Variants in LRRC9 observed in about 807,000 individuals in gnomAD.
LRRC9 encodes the protein leucine rich repeat containing 9.
A neutral mutation model predicts 63.2 loss-of-function variants in LRRC9; 122 were observed. The observed-to-expected ratio is 1.93, with a 90% CI of 1.67 to 2.24. The LOEUF (loss-of-function observed/expected upper bound fraction) is 2.24. Among genes scored for constraint, LRRC9 ranks in the 30% most tolerant of loss-of-function variants. The pLI, the probability that LRRC9 is intolerant of heterozygous loss-of-function variation, is 0.00. For missense variants in LRRC9, 1,071 were observed against 627.7 expected, an observed-to-expected ratio of 1.71 and a Z score of -7.55; for synonymous variants, 366 against 213.1, an observed-to-expected ratio of 1.72 and a Z score of -6.25.
chr14:60,007,046 G>A (rs1889866769), intron 22 of LRRC9, among the ~76,000 whole-genome samples: 1 of 152,142 alleles, frequency 6.6e-6, no homozygotes, highest in Admixed American at 6.5e-5. Flanking sequence ...ACAAAACAGA[G>A]GGTTTCTATA....
chr14:59,972,456 C>T (rs545448659), intron 12 of LRRC9, among the ~76,000 whole-genome samples: 1 of 152,086 alleles, frequency 6.6e-6, no homozygotes, highest in South Asian at 2.1e-4. Flanking sequence ...TTGTATCAGC[C>T]GTAACCATGT....
At chr14:59,960,770 G>A in intron 9 of LRRC9, 144 bp from the exon 10 acceptor site, 1 of 452,142 alleles carries the variant, frequency 2.2e-6, no homozygotes, top group Non-Finnish European at 3.9e-6. Context: ...TCTTTGACAT[G>A]GTTTAACTGT....
Position 59,962,272 on chromosome 14 carries a change from G to T in LRRC9, c.1211+1227G>T, listed in dbSNP as rs749392027. On this transcript the variant is annotated intron_variant, in intron 10 of 31. Coordinates refer to ENST00000445360, the Ensembl canonical transcript of LRRC9. The surrounding 1 kb of genome is among the most constrained non-coding windows in gnomAD (Gnocchi z 5.1). ...TACTGTTTGCTTAACCACATTTTTTGATTTTTATATACAAAGATATAAAAG... is the reference window on the plus strand; with the variant it reads ...TACTGTTTGCTTAACCACATTTTTTTATTTTTATATACAAAGATATAAAAG... Among the ~76,000 whole-genome samples the T allele has an allele frequency of 1.3e-5, 2 of 152,044 alleles. No homozygotes were observed. Among genetic ancestry groups the T allele is most frequent in the South Asian group, 2.1e-4 (1 of 4,820 alleles).
intron 27 of LRRC9, among the ~76,000 whole-genome samples, chr14:60,024,510 T>C (rs959626083): frequency 1.3e-5 from 2 of 152,010 alleles, no homozygotes; most frequent in African/African-American, 4.8e-5. Context: ...TGGGGAGACA[T>C]CGAGGTAGTT....
At chr14:60,048,483 A>T (rs1365113548) in intron 29 of LRRC9, among the ~76,000 whole-genome samples, 1 of 152,190 alleles carries the variant, frequency 6.6e-6, no homozygotes, top group East Asian at 1.9e-4. Context: ...ACAAAAATAC[A>T]AACAACCATC....
At chr14:60,019,798 C>T (rs1004073613) in intron 26 of LRRC9, among the ~76,000 whole-genome samples, 7 of 151,372 alleles carry the variant, frequency 4.6e-5, no homozygotes, top group Admixed American at 2.6e-4. Context: ...CAAAAAATGA[C>T]AACAAACCTT....
In LRRC9 at chr14:60,004,477, C is replaced by A. The variant is rs141390586; in HGVS notation, c.2842+679C>A. 6.6e-6 allele frequency among the ~76,000 whole-genome samples: 1 copy of A among 151,874 alleles called. No individual in the cohort carries two copies. The highest frequency in any genetic ancestry group is 1.5e-5 in the Non-Finnish European group (1 of 67,898). The stretch of plus-strand genomic sequence containing the variant: ...TAGTAATATCTTAATAATAATGATA[C>A]CAATATAATATATTTTATTTGACTG... On this transcript the variant is annotated intron_variant, in intron 21 of 31. Transcript: ENST00000445360. The surrounding 1 kb of genome is among the most constrained non-coding windows in gnomAD (Gnocchi z 4.8).
In LRRC9 at chr14:59,923,818, A is replaced by C. The variant is rs867844038; in HGVS notation, c.-34+3935A>C. On this transcript the variant is annotated intron_variant, in intron 1 of 31. Transcript: ENST00000445360. The surrounding 1 kb of genome is among the most constrained non-coding windows in gnomAD (Gnocchi z 4.2). ...TAGCCGGGCGTGGTGGCAGGCGCCT[A>C]TAGTTCCAGCGACTCCGAAGGCTGA... Among the ~76,000 whole-genome samples, 2 of 152,272 alleles carry C rather than the reference A, an allele frequency of 1.3e-5. No homozygotes were observed. The highest frequency in any genetic ancestry group is 3.4e-3 in the Middle Eastern group (1 of 294).
Position 60,042,308 on chromosome 14 carries a change from T to A in LRRC9, c.3990+10245T>A, listed in dbSNP as rs562807867. ...ATAGGGACGTTTAAGTCTGCAGAAG[T>A]TTCTGCTGCCTGTTGTTCAGCTATG... is the stretch of plus-strand genomic sequence containing the variant. On this transcript the variant is annotated intron_variant, in intron 29 of 31. Coordinates refer to ENST00000445360, the Ensembl canonical transcript of LRRC9. The surrounding 1 kb of genome is among the most constrained non-coding windows in gnomAD (Gnocchi z 4.2). 9.5e-3 allele frequency among the ~76,000 whole-genome samples: 1,443 copies of A among 152,236 alleles called. 25 individuals carry two copies. The highest frequency in any genetic ancestry group is 0.033 in the African/African-American group (1,363 of 41,538).
At chr14:59,997,740 G>A (rs1269958417) in exon 18 of LRRC9, 1 of 702,606 alleles carries the variant, frequency 1.4e-6, no homozygotes, top group Non-Finnish European at 2.6e-6. Flanking sequence ...GAAGCACTTA[G>A]ACTTGAGCTG....
chr14:60,031,405 A>AT lies in LRRC9; in HGVS notation c.3922-586dup, dbSNP rs1815006244. ...TTGGCTAAAGTTTGTCAGAAATAGCATTTTAGAAATAATTTTGCAAAAACT... is the reference window on the plus strand; with the variant it reads ...TTGGCTAAAGTTTGTCAGAAATAGCATTTTTAGAAATAATTTTGCAAAAACT... On this transcript the variant is annotated intron_variant, in intron 28 of 31. Transcript: ENST00000445360. The surrounding 1 kb of genome is among the most constrained non-coding windows in gnomAD (Gnocchi z 4.6). Among the ~76,000 whole-genome samples, 2 of 152,082 alleles carry AT rather than the reference A, an allele frequency of 1.3e-5. No individual in the cohort carries two copies.
At chr14:60,028,977 T>A (rs147297744) in intron 28 of LRRC9, among the ~76,000 whole-genome samples, 16 of 152,154 alleles carry the variant, frequency 1.1e-4, no homozygotes, top group African/African-American at 3.6e-4. Flanking sequence ...TAGAAGGAAA[T>A]CATGAGCCAT....
chr14:60,012,022 T>C (rs975336570), intron 23 of LRRC9, among the ~76,000 whole-genome samples: 3 of 152,172 alleles, frequency 2.0e-5, no homozygotes, highest in Non-Finnish European at 4.4e-5. Context: ...CAATATTGTC[T>C]AAGGAAAGAG....
In LRRC9 at chr14:60,003,640, A is replaced by T. The variant is rs749351919; in HGVS notation, c.2684A>T (p.Asp895Val). 48 of 681,438 alleles carry T rather than the reference A, an allele frequency of 7.0e-5. No homozygotes were observed. Among genetic ancestry groups the T allele is most frequent in the Non-Finnish European group, 7.7e-5 (29 of 378,430 alleles). The allele number at this position is 681,438 out of a possible 1,614,324, so 42.2% of individuals were successfully genotyped here. ...CTACAGATAACTGCCTTAAATTTAG[A>T]TGGACAACATCTTTTTGAAATCACA... is the stretch of plus-strand genomic sequence containing the variant. Residue 895 changes from aspartate to valine, a missense_variant, in exon 21 of 32, where the codon GAT (aspartate) becomes GTT (valine). Physicochemically the swap from Asp to Val is radical, Grantham distance 152. Coordinates refer to ENST00000445360, the Ensembl canonical transcript of LRRC9. The surrounding 1 kb of genome is among the most constrained non-coding windows in gnomAD (Gnocchi z 4.2).
At chr14:60,049,016 G>A (rs1954584438) in intron 29 of LRRC9, among the ~76,000 whole-genome samples, 1 of 152,112 alleles carries the variant, frequency 6.6e-6, no homozygotes, top group Non-Finnish European at 1.5e-5. Flanking sequence ...CACATGCAAA[G>A]AACTAAAGAC....
At chr14:60,055,208 G>T (rs1894182651) in intron 30 of LRRC9, among the ~76,000 whole-genome samples, 1 of 152,170 alleles carries the variant, frequency 6.6e-6, no homozygotes, top group African/African-American at 2.4e-5. Context: ...TTAGGCAAAG[G>T]AAATTGATTC....
Position 60,053,130 on chromosome 14 carries a change from TG to T in LRRC9, c.4058del (p.Gly1353GlufsTer4). ...GACTGCCTAACTTACAGATGTTAGA[TG>T]GAAGTCCTGTGAATTCAGATGATAG... On this transcript the variant is annotated frameshift_variant, in exon 30 of 32. Coordinates refer to ENST00000445360, the Ensembl canonical transcript of LRRC9. LOFTEE classifies it high-confidence loss of function. The surrounding 1 kb of genome is among the most constrained non-coding windows in gnomAD (Gnocchi z 4.8). The T allele has an allele frequency of 1.4e-6, 1 of 702,186 alleles. No homozygotes were observed. The highest frequency in any genetic ancestry group is 2.6e-6 in the Non-Finnish European group (1 of 384,494). The allele number at this position is 702,186 out of a possible 1,614,324, so 43.5% of individuals were successfully genotyped here.
At chr14:60,040,168 C>G (rs1210002171) in intron 29 of LRRC9, among the ~76,000 whole-genome samples, 1 of 151,900 alleles carries the variant, frequency 6.6e-6, no homozygotes. Flanking sequence ...CTGAGGAGTG[C>G]TTTACTTCCA....
Position 60,019,137 on chromosome 14 carries a change from A to G in LRRC9, c.3443A>G (p.Tyr1148Cys), listed in dbSNP as rs751241134. The change falls in exon 26 of 32, where the codon TAT (tyrosine) becomes TGT (cysteine). Residue 1148 changes from tyrosine to cysteine, a missense_variant. Physicochemically the swap from Tyr to Cys is radical, Grantham distance 194. Transcript: ENST00000445360. ...TTTCTGTAGGTCTTATGCCTTAACT[A>G]TAATCATATTGAATCAATCATGCCC... 109 of 693,884 alleles carry G rather than the reference A, an allele frequency of 1.6e-4. 1 individual carries two copies. The highest frequency in any genetic ancestry group is 2.7e-4 in the Non-Finnish European group (102 of 381,000). 43.0% of individuals were successfully genotyped at this position (693,884 alleles called of 1,614,324 possible). A position where few individuals can be genotyped will look rare whatever the true frequency, so the allele number is the denominator to read the frequency against.
Sources: gnomAD v4.1 joint callset for allele counts (sites outside exome capture counted in the v4.1 genomes callset) on GRCh38, gnomAD v4.1.1 for gene constraint, Gnocchi (gnomAD v3.1) non-coding constraint, MANE v1.5 for transcripts, NCBI Gene and HGNC (gene_info 2026-07-23, HGNC 2026-07-21) for gene names.